Variants in SCGB1A1 observed in about 807,000 individuals in gnomAD.
The protein encoded by SCGB1A1 is secretoglobin family 1A member 1.
Under a neutral mutation model 7.5 loss-of-function variants are expected in SCGB1A1, and 8 were observed. That is an observed-to-expected ratio of 1.07 (90% CI 0.63 to 1.92). SCGB1A1 has a LOEUF of 1.92. Among genes scored for constraint, SCGB1A1 ranks in the 30% most tolerant of loss-of-function variants. The pLI is 0.00. For synonymous variants in SCGB1A1, 44 were observed against 40.8 expected (o/e 1.08, Z -0.30); for missense variants, 121 against 112.7 (o/e 1.07, Z -0.33).
intron 1 of SCGB1A1, 128 bp from the exon 2 acceptor site, chr11:62,422,093 C>T: frequency 1.5e-6 from 1 of 659,348 alleles, no homozygotes; most frequent in East Asian, 2.7e-5. Context: ...CACTCTAGTC[C>T]ATCGATGAAA....
chr11:62,421,400 C>T (rs1363035443), intron 1 of SCGB1A1, among the ~76,000 whole-genome samples: 1 of 152,114 alleles, frequency 6.6e-6, no homozygotes. Flanking sequence ...CATGTGCACA[C>T]CTCTTCCCGG....
intron 2 of SCGB1A1, 109 bp downstream of exon 2, chr11:62,422,517 G>T (rs942764762): frequency 2.4e-6 from 2 of 848,714 alleles, no homozygotes; most frequent in African/African-American, 3.4e-5. Flanking sequence ...GAGAGTCACA[G>T]TGCCACTGTC....
At chr11:62,419,292 T>C (rs972210268) in intron 1 of SCGB1A1, 142 bp downstream of exon 1, 1 of 603,972 alleles carries the variant, frequency 1.7e-6, no homozygotes, top group Non-Finnish European at 2.5e-6. Context: ...CTCAGAAAAC[T>C]GGGTCTGGTG....
chr11:62,419,166 C>A lies in SCGB1A1; in HGVS notation c.55+16C>A. The A allele has an allele frequency of 1.3e-6, 2 of 1,512,582 alleles. No homozygotes were observed. The highest frequency in any genetic ancestry group is 2.7e-5 in the South Asian group (2 of 74,180). The allele number at this position is 1,512,582 out of a possible 1,614,324, so 93.7% of individuals were successfully genotyped here. A position where few individuals can be genotyped will look rare whatever the true frequency, so the allele number is the denominator to read the frequency against. On this transcript the variant is annotated intron_variant, in intron 1 of 2. Coordinates refer to ENST00000278282, the MANE Select transcript of SCGB1A1 (RefSeq NM_003357.5). ...TGCAGCTCCGGTGAGTGCTCAGAGACCCTTCCCTCCCTCCTGGACTTAGGA... is the reference window on the plus strand; with the variant it reads ...TGCAGCTCCGGTGAGTGCTCAGAGAACCTTCCCTCCCTCCTGGACTTAGGA...
Position 62,423,168 on chromosome 11 carries a change from C to A in SCGB1A1, c.*77C>A. On this transcript the variant is annotated 3_prime_UTR_variant, in exon 3 of 3. Transcript: ENST00000278282. ...TTTGAGTCCACGCCCACCAGCCTTG[C>A]TCTCTTCAATAAACCACAAGCATCT... is the stretch of plus-strand genomic sequence containing the variant. 1 of 1,463,054 alleles carries A rather than the reference C, an allele frequency of 6.8e-7. No homozygotes were observed. The highest frequency in any genetic ancestry group is 9.6e-7 in the Non-Finnish European group (1 of 1,044,022). 90.6% of individuals were successfully genotyped at this position (1,463,054 alleles called of 1,614,324 possible).
intron 2 of SCGB1A1, 23 bp downstream of exon 2, chr11:62,422,431 C>T (rs753058830): frequency 2.5e-6 from 4 of 1,588,116 alleles, no homozygotes; most frequent in South Asian, 1.1e-5. Flanking sequence ...TTTCACGTCA[C>T]ACTGGTTAGA....
chr11:62,423,091 G>T lies in SCGB1A1; in HGVS notation c.276G>T (p.Ter92TyrextTer?). 1 of 1,614,002 alleles carries T rather than the reference G, an allele frequency of 6.2e-7. No individual in the cohort carries two copies. Among genetic ancestry groups the T allele is most frequent in the Non-Finnish European group, 8.5e-7 (1 of 1,179,938 alleles). The part of the protein sequence containing the change: ...EKIAQSSLCN[*>Y] ...TAGCCCAAAGCTCACTGTGTAATTA[G>T]CATTTAGAAGCTGAAGATCCCCAAC... is the stretch of plus-strand genomic sequence containing the variant. The change falls in exon 3 of 3, where the codon TAG (stop) becomes TAT (tyrosine). Residue 92 changes from the stop codon to tyrosine (Y), a stop_lost. Transcript: ENST00000278282.
At chr11:62,422,515 C>T in intron 2 of SCGB1A1, 107 bp downstream of exon 2, 1 of 881,182 alleles carries the variant, frequency 1.1e-6, no homozygotes. Context: ...AGGAGAGTCA[C>T]AGTGCCACTG....
Position 62,422,291 on chromosome 11 carries a change from TG to T in SCGB1A1, c.127del (p.Glu43ArgfsTer13), listed in dbSNP as rs1411579305. 1 of 1,614,108 alleles carries T rather than the reference TG, an allele frequency of 6.2e-7. No homozygotes were observed. Among genetic ancestry groups the T allele is most frequent in the Non-Finnish European group, 8.5e-7 (1 of 1,179,984 alleles). ...TCCTCATGGACACACCCTCCAGTTATGAGGCTGCCATGGAACTTTTCAGCCC... is the reference window on the plus strand; with the variant it reads ...TCCTCATGGACACACCCTCCAGTTATAGGCTGCCATGGAACTTTTCAGCCC... ...TLLMDTPSSY[E>X]AAMELFSPDQ... On this transcript the variant is annotated frameshift_variant, in exon 2 of 3. Transcript: ENST00000278282. LOFTEE classifies it high-confidence loss of function.
chr11:62,419,302 G>A, intron 1 of SCGB1A1, 152 bp downstream of exon 1: 1 of 544,196 alleles, frequency 1.8e-6, no homozygotes, highest in Non-Finnish European at 2.9e-6. Context: ...TGGGTCTGGT[G>A]AGCAAGCTCA....
intron 1 of SCGB1A1, among the ~76,000 whole-genome samples, chr11:62,420,314 C>CTTTT (rs535582329): frequency 8.5e-5 from 11 of 129,458 alleles, no homozygotes; most frequent in African/African-American, 3.0e-4. Context: ...TCTTTTCATT[C>CTTTT]TTTTTTTTTT....
At chr11:62,419,745 A>C (rs1436279943) in intron 1 of SCGB1A1, among the ~76,000 whole-genome samples, 1 of 152,162 alleles carries the variant, frequency 6.6e-6, no homozygotes, top group Non-Finnish European at 1.5e-5. Flanking sequence ...GGAGTCTCTG[A>C]GTAGTTGCTG....
intron 1 of SCGB1A1, among the ~76,000 whole-genome samples, chr11:62,419,937 C>T (rs1286141040): frequency 1.3e-5 from 2 of 152,162 alleles, no homozygotes; most frequent in Non-Finnish European, 2.9e-5. Flanking sequence ...TCTGAAAATG[C>T]TGTTGTTATT....
intron 1 of SCGB1A1, among the ~76,000 whole-genome samples, chr11:62,419,398 G>A (rs1298066813): frequency 6.6e-6 from 1 of 152,168 alleles, no homozygotes; most frequent in East Asian, 1.9e-4. Context: ...CAGAATCCCA[G>A]GGAATGGAAT....
intron 1 of SCGB1A1, chr11:62,421,986 C>T (rs185133553): frequency 3.1e-5 from 11 of 349,450 alleles, no homozygotes; most frequent in African/African-American, 6.2e-5. Flanking sequence ...CTTCTATGAT[C>T]AATACTCTGC....
At position 62,423,097 on chromosome 11, in the gene SCGB1A1, A is replaced by G; in HGVS notation, c.*6A>G. The G allele has an allele frequency of 6.2e-7, 1 of 1,614,004 alleles. No homozygotes were observed. The highest frequency in any genetic ancestry group is 8.5e-7 in the Non-Finnish European group (1 of 1,179,886). On this transcript the variant is annotated 3_prime_UTR_variant, in exon 3 of 3. Transcript: ENST00000278282. ...AAAGCTCACTGTGTAATTAGCATTT[A>G]GAAGCTGAAGATCCCCAACTGCTCC...
Position 62,422,189 on chromosome 11 carries a change from GA to G in SCGB1A1, c.56-31del. On this transcript the variant is annotated intron_variant, in intron 1 of 2. Coordinates refer to ENST00000278282, the MANE Select transcript of SCGB1A1 (RefSeq NM_003357.5). ...GCTAGCCAGCTTGGAAAGGGGCCTG[GA>G]GACATGTGCCTTCTCTCCTCTGTGT... 3.2e-6 allele frequency: 5 copies of G among 1,573,058 alleles called. No individual in the cohort carries two copies. The African/African-American group carries it at 4.0e-5, about 13-fold the overall frequency.
chr11:62,421,544 CTCT>C (rs748227848), intron 1 of SCGB1A1, among the ~76,000 whole-genome samples: 2 of 150,864 alleles, frequency 1.3e-5, no homozygotes, highest in Non-Finnish European at 2.9e-5. Context: ...CAGAATCTCG[CTCT>C]GTTGCCCAGG....
intron 1 of SCGB1A1, among the ~76,000 whole-genome samples, chr11:62,420,693 G>T (rs1338885256): frequency 6.6e-6 from 1 of 151,114 alleles, no homozygotes; most frequent in Admixed American, 6.6e-5. Flanking sequence ...CCAGCAATTT[G>T]GGAGGCCGAG....
Sources: gnomAD v4.1 joint callset for allele counts (sites outside exome capture counted in the v4.1 genomes callset) on GRCh38, gnomAD v4.1.1 for gene constraint, MANE v1.5 for transcripts, NCBI Gene and HGNC (gene_info 2026-07-23, HGNC 2026-07-21) for gene names.